Variants in TMED3 observed in about 807,000 individuals in gnomAD.
TMED3 encodes the protein transmembrane emp24 domain-containing protein 3.
Under a neutral mutation model 15.0 loss-of-function variants are expected in TMED3, and 9 were observed. The ratio of observed to expected loss-of-function variants is 0.60; its 90% CI spans 0.36 to 1.04. The LOEUF (loss-of-function observed/expected upper bound fraction) is 1.04, where lower values mean the gene tolerates loss of function less well. TMED3 is among the 50% of genes least tolerant of loss of function. The pLI is 0.01. For missense variants in TMED3, 267 were observed against 278.9 expected, an observed-to-expected ratio of 0.96 and a Z score of 0.30; for synonymous variants, 117 against 121.4, an observed-to-expected ratio of 0.96 and a Z score of 0.24.
In TMED3 at chr15:79,345,393, T is replaced by G. The variant is rs1188557686; in HGVS notation, c.417+31388T>G. Among the ~76,000 whole-genome samples, 6 of 152,228 alleles carry G rather than the reference T, an allele frequency of 3.9e-5. No individual in the cohort carries two copies. In the East Asian group the frequency reaches 1.2e-3, roughly 29 times the overall value. On this transcript the variant is annotated intron_variant, in intron 2 of 2. Transcript: ENST00000424155. ...TAGCTCTCACTTATAAGTGAGAACATGCAGTATTTGGTTTTCTGTTTCTGC... is the reference window on the plus strand; with the variant it reads ...TAGCTCTCACTTATAAGTGAGAACAGGCAGTATTTGGTTTTCTGTTTCTGC...
At chr15:79,382,945 A>C (rs1243554045) in intron 2 of TMED3, 2 of 1,535,378 alleles carry the variant, frequency 1.3e-6, no homozygotes, top group Non-Finnish European at 1.7e-6. Context: ...AAGGGCATAA[A>C]CACGATTTAT....
intron 2 of TMED3, among the ~76,000 whole-genome samples, chr15:79,377,297 TGAGA>T (rs911394704): frequency 4.0e-5 from 4 of 99,454 alleles, no homozygotes; most frequent in African/African-American, 1.5e-4. Context: ...TGTGTGTGTG[TGAGA>T]GAGAGAGAGA....
At chr15:79,339,027 G>T (rs2058839060) in intron 2 of TMED3, among the ~76,000 whole-genome samples, 1 of 152,188 alleles carries the variant, frequency 6.6e-6, no homozygotes, top group African/African-American at 2.4e-5. Flanking sequence ...CTGTGATGCT[G>T]TGCTTCAGTG....
intron 2 of TMED3, among the ~76,000 whole-genome samples, chr15:79,338,330 G>C (rs957518362): frequency 1.3e-5 from 2 of 152,182 alleles, no homozygotes. Flanking sequence ...GTGGGTGTTT[G>C]TTATGTTACC....
intron 2 of TMED3, among the ~76,000 whole-genome samples, chr15:79,374,134 C>T (rs1380413314): frequency 6.6e-6 from 1 of 152,166 alleles, no homozygotes; most frequent in East Asian, 1.9e-4. Flanking sequence ...GGCCCTGTAA[C>T]GTTGCAGGGC....
At chr15:79,400,240 C>A (rs1893816267) in intron 2 of TMED3, among the ~76,000 whole-genome samples, 1 of 152,208 alleles carries the variant, frequency 6.6e-6, no homozygotes, top group Non-Finnish European at 1.5e-5. Context: ...ATGTCACTTC[C>A]ACAAACAAGC....
chr15:79,358,068 G>A (rs75593651), intron 2 of TMED3, among the ~76,000 whole-genome samples: 2,798 of 152,268 alleles, frequency 0.018, 95 homozygotes, highest in African/African-American at 0.063. Context: ...TGACCCTAAC[G>A]GGATGGGCCA....
intron 2 of TMED3, among the ~76,000 whole-genome samples, chr15:79,403,220 CAAAAAAAAAA>C (rs71150908): frequency 1.2e-4 from 8 of 65,420 alleles, no homozygotes; most frequent in Admixed American, 4.1e-4. Flanking sequence ...GACTCTGTCT[CAAAAAAAAAA>C]AAAAAAAAAA....
chr15:79,342,126 A>G (rs2058853907), intron 2 of TMED3, among the ~76,000 whole-genome samples: 1 of 152,246 alleles, frequency 6.6e-6, no homozygotes, highest in Non-Finnish European at 1.5e-5. Flanking sequence ...GTCGTTACAA[A>G]ACAAGAGTTT....
At chr15:79,326,898 T>A (rs1226990830), downstream of TMED3, among the ~76,000 whole-genome samples, 1 of 152,192 alleles carries the variant, frequency 6.6e-6, no homozygotes, top group Non-Finnish European at 1.5e-5. Flanking sequence ...TTTGGCTCAC[T>A]GTTTTGCAGG....
At chr15:79,366,653 G>A (rs1979965) in intron 2 of TMED3, among the ~76,000 whole-genome samples, 17,247 of 152,212 alleles carry the variant, frequency 0.11, 1,048 homozygotes, top group Admixed American at 0.14. Flanking sequence ...AGGGGTCCCT[G>A]CTCCATCTCA....
chr15:79,369,592 G>A (rs1422787311), intron 2 of TMED3, among the ~76,000 whole-genome samples: 2 of 152,180 alleles, frequency 1.3e-5, no homozygotes, highest in Non-Finnish European at 2.9e-5. Context: ...CAACTAACCC[G>A]CATTTCAGTT....
chr15:79,368,984 A>G (rs1454748977), intron 2 of TMED3, among the ~76,000 whole-genome samples: 1 of 151,530 alleles, frequency 6.6e-6, no homozygotes, highest in African/African-American at 2.4e-5. Context: ...AATCCCCGCT[A>G]CTCGAGAGGC....
rs190375442 is a variant in TMED3, at chr15:79,407,381, C to T, written c.418-4019C>T. The stretch of plus-strand genomic sequence containing the variant: ...TTTGAGATACTGGGGCATTTGCTCC[C>T]TAGTTTCTATAGGTACATATTAGCC... On this transcript the variant is annotated intron_variant, in intron 2 of 2. Coordinates refer to the TMED3 transcript ENST00000424155. 1.4e-4 allele frequency among the ~76,000 whole-genome samples: 21 copies of T among 152,236 alleles called. No homozygotes were observed. The East Asian group carries it at 3.5e-3, about 25-fold the overall frequency.
chr15:79,377,281 T>A (rs1470989601), intron 2 of TMED3, among the ~76,000 whole-genome samples: 3 of 150,018 alleles, frequency 2.0e-5, no homozygotes, highest in Non-Finnish European at 4.4e-5. Context: ...TGTGTGTGTG[T>A]GTGTGTGTGT....
intron 2 of TMED3, among the ~76,000 whole-genome samples, chr15:79,351,151 G>A (rs1313867244): frequency 6.6e-6 from 1 of 152,090 alleles, no homozygotes; most frequent in Non-Finnish European, 1.5e-5. Flanking sequence ...ATGATAGGAG[G>A]CTCAATATTA....
At chr15:79,330,738 A>G (rs904740909) in intron 2 of TMED3, among the ~76,000 whole-genome samples, 1 of 152,218 alleles carries the variant, frequency 6.6e-6, no homozygotes, top group Admixed American at 6.5e-5. Context: ...ATCCTGAGCA[A>G]AAGGAACAAA....
intron 2 of TMED3, among the ~76,000 whole-genome samples, chr15:79,395,786 T>C (rs924245080): frequency 2.6e-5 from 4 of 152,236 alleles, no homozygotes; most frequent in African/African-American, 9.6e-5. Context: ...ATAGGCCTTT[T>C]AATGAAAGTC....
chr15:79,389,975 T>C (rs536598323), intron 2 of TMED3, among the ~76,000 whole-genome samples: 1 of 152,300 alleles, frequency 6.6e-6, no homozygotes, highest in Non-Finnish European at 1.5e-5. Flanking sequence ...TTATCCATTC[T>C]AGGAACTTTC....
Sources: gnomAD v4.1 joint callset for allele counts (sites outside exome capture counted in the v4.1 genomes callset) on GRCh38, gnomAD v4.1.1 for gene constraint, MANE v1.5 for transcripts, NCBI Gene and HGNC (gene_info 2026-07-23, HGNC 2026-07-21) for gene names.